The following HIPK4 variants were observed in gnomAD, a reference collection of about 807,000 sequenced individuals.
HIPK4 encodes homeodomain-interacting protein kinase 4.
HIPK4 carries 26 observed loss-of-function variants against 44.8 expected under a neutral mutation model. The ratio of observed to expected loss-of-function variants is 0.58; its 90% CI spans 0.43 to 0.80. The LOEUF is 0.80. Among genes scored for constraint, HIPK4 ranks in the 30% least tolerant of loss-of-function variants. The pLI is 0.00. For synonymous variants in HIPK4, 340 were observed against 355.5 expected, an observed-to-expected ratio of 0.96 and a Z score of 0.49; for missense variants, 729 against 862.6, an observed-to-expected ratio of 0.85 and a Z score of 1.94.
rs751075820 is a variant in HIPK4, at chr19:40,389,612, G to A, written c.291C>T (p.Phe97=). Residue 97 remains phenylalanine (F), a synonymous_variant, in exon 1 of 4, where the codon TTC becomes TTT. Coordinates refer to ENST00000291823, the MANE Select transcript of HIPK4 (RefSeq NM_144685.5). This position sits in a 1 kb window ranked among gnomAD's most constrained non-coding sequence, Gnocchi z 4.6. ...LVFELLEQNL[F]EFQKENNFAP... ...CGAAGTTGTTCTCCTTCTGGAACTC[G>A]AAAAGGTTTTGCTCCAGCAGCTCAA... 1.9e-5 allele frequency: 30 copies of A among 1,614,016 alleles called. No homozygotes were observed. Among genetic ancestry groups the A allele is most frequent in the Admixed American group, 5.0e-5 (3 of 60,008 alleles).
intron 1 of HIPK4, among the ~76,000 whole-genome samples, chr19:40,385,198 AGTCT>A (rs1402062029): frequency 1.3e-5 from 2 of 151,928 alleles, no homozygotes; most frequent in Non-Finnish European, 2.9e-5. Context: ...TCTGCCCCCT[AGTCT>A]GTCTGTCACA....
chr19:40,379,650 G>A lies in HIPK4; in HGVS notation c.1788C>T (p.Ser596=), dbSNP rs367679522. Residue 596 remains serine (S), a synonymous_variant, in exon 4 of 4, where the codon TCC becomes TCT. Transcript: ENST00000291823. The part of the protein sequence containing the change: ...PRAQGLPPRR[S]HQHGPPRGAT... ...CCCCCCGGGGTGGACCATGCTGGTG[G>A]GAGCGGCGGGGTGGGAGCCCCTGAG... 5.2e-6 allele frequency: 8 copies of A among 1,546,114 alleles called. No homozygotes were observed. The African/African-American group carries it at 1.1e-4, about 21-fold the overall frequency.
chr19:40,389,983 G>A lies in HIPK4; in HGVS notation c.-81C>T, dbSNP rs1007305068. ...CGCCCAGGCCTCCCGCCTGGCTGCT[G>A]ACACAGCAGGCCCCCCAGTGGGGGA... is the stretch of plus-strand genomic sequence containing the variant. On this transcript the variant is annotated 5_prime_UTR_variant, in exon 1 of 4. Coordinates refer to ENST00000291823, the MANE Select transcript of HIPK4 (RefSeq NM_144685.5). This position sits in a 1 kb window ranked among gnomAD's most constrained non-coding sequence, Gnocchi z 4.6. 86 of 1,087,342 alleles carry A rather than the reference G, an allele frequency of 7.9e-5. No individual in the cohort carries two copies. Among genetic ancestry groups the A allele is most frequent in the African/African-American group, 1.3e-4 (8 of 63,968 alleles). The allele number at this position is 1,087,342 out of a possible 1,614,324, so 67.4% of individuals were successfully genotyped here.
chr19:40,389,872 A>G lies in HIPK4; in HGVS notation c.31T>C (p.Tyr11His). The G allele has an allele frequency of 2.5e-6, 4 of 1,611,248 alleles. No homozygotes were observed. The highest frequency in any genetic ancestry group is 3.4e-6 in the Non-Finnish European group (4 of 1,179,970). Residue 11 changes from tyrosine (Y) to histidine (H), a missense_variant, in exon 1 of 4, where the codon TAC becomes CAC. Tyr to His is a moderately conservative substitution (Grantham distance 83, BLOSUM62 2). Coordinates refer to ENST00000291823, the MANE Select transcript of HIPK4 (RefSeq NM_144685.5). The surrounding 1 kb of genome is among the most constrained non-coding windows in gnomAD (Gnocchi z 4.6). MSTIQSETDC[Y>H]DIIEVLGKGT... Reference sequence around the variant, plus strand: ...TTGCCCAAGACCTCGATGATGTCGTAGCAGTCAGTCTCCGACTGGATGGTG... The same window carrying G: ...TTGCCCAAGACCTCGATGATGTCGTGGCAGTCAGTCTCCGACTGGATGGTG...
rs2079324049 is a variant in HIPK4 at position 40,380,120 on chromosome 19, C to T, written c.1668+203G>A. ...CTGTGCCCTGAGTTTTTGTCACAGC[C>T]TGGAAGTAGCTGAGTAAGTGCTGAG... On this transcript the variant is annotated intron_variant, in intron 3 of 3. Coordinates refer to ENST00000291823, the MANE Select transcript of HIPK4 (RefSeq NM_144685.5). This position sits in a 1 kb window ranked among gnomAD's most constrained non-coding sequence, Gnocchi z 4.2. 6.6e-6 allele frequency among the ~76,000 whole-genome samples: 1 copy of T among 152,130 alleles called. No individual in the cohort carries two copies.
intron 1 of HIPK4, among the ~76,000 whole-genome samples, chr19:40,385,204 T>A (rs1385475139): frequency 6.6e-6 from 1 of 152,156 alleles, no homozygotes. Context: ...CCCTAGTCTG[T>A]CTGTCACAAG....
intron 2 of HIPK4, among the ~76,000 whole-genome samples, chr19:40,382,125 C>T (rs1280301516): frequency 6.6e-6 from 1 of 151,482 alleles, no homozygotes; most frequent in Non-Finnish European, 1.5e-5. Context: ...TTTTTTTAAA[C>T]AGGGTCTTGC....
chr19:40,380,431 GC>G lies in HIPK4; in HGVS notation c.1559del (p.Gly520AlafsTer32), dbSNP rs1474457840. 1.9e-6 allele frequency: 3 copies of G among 1,614,032 alleles called. No individual in the cohort carries two copies. Among genetic ancestry groups the G allele is most frequent in the Non-Finnish European group, 2.5e-6 (3 of 1,180,064 alleles). On this transcript the variant is annotated frameshift_variant, in exon 3 of 4. Transcript: ENST00000291823. LOFTEE classifies it high-confidence loss of function. The surrounding 1 kb of genome is among the most constrained non-coding windows in gnomAD (Gnocchi z 4.2). ...GATGCTCTCCTTCCTCCCAGCTGCT[GC>G]CCCGGCAGGGCCTGTCATCCTCAGG... is the stretch of plus-strand genomic sequence containing the variant. ...VSPEDDRPCR[G>X]SSWEEGEHLG...
intron 1 of HIPK4, 86 bp from the exon 2 acceptor site, chr19:40,384,225 A>G (rs1280571987): frequency 2.2e-6 from 2 of 917,078 alleles, no homozygotes; most frequent in Admixed American, 4.6e-5. Context: ...TTCACCTGGC[A>G]TCTTCCTGCA....
At chr19:40,384,470 AT>A (rs569491635) in intron 1 of HIPK4, among the ~76,000 whole-genome samples, 1 of 151,762 alleles carries the variant, frequency 6.6e-6, no homozygotes, top group Non-Finnish European at 1.5e-5. Flanking sequence ...CACCCGGCTA[AT>A]TTTTTGTATT....
In HIPK4 at chr19:40,389,287, G is replaced by T; in HGVS notation, c.465+151C>A. 1 of 336,246 alleles carries T rather than the reference G, an allele frequency of 3.0e-6. No homozygotes were observed. Among genetic ancestry groups the T allele is most frequent in the Non-Finnish European group, 5.1e-6 (1 of 196,224 alleles). 20.8% of individuals were successfully genotyped at this position (336,246 alleles called of 1,614,324 possible). On this transcript the variant is annotated intron_variant, in intron 1 of 3. Transcript: ENST00000291823. This position sits in a 1 kb window ranked among gnomAD's most constrained non-coding sequence, Gnocchi z 4.6. ...TGCAGTGAGCTGAGATTGTGCCACT[G>T]CACTCAAGCCTGGGTAACAGAATGA...
rs566982549 is a variant in HIPK4 at position 40,388,292 on chromosome 19, A to G, written c.465+1146T>C. ...CTCGGCCTCCCAAAGTGCTGGGATTACAGGCGTGAGCCACCGCACCTGGCC... is the reference window on the plus strand; with the variant it reads ...CTCGGCCTCCCAAAGTGCTGGGATTGCAGGCGTGAGCCACCGCACCTGGCC... On this transcript the variant is annotated intron_variant, in intron 1 of 3. Transcript: ENST00000291823. 1.1e-4 allele frequency among the ~76,000 whole-genome samples: 16 copies of G among 152,296 alleles called. No individual in the cohort carries two copies. In the South Asian group the frequency reaches 3.3e-3, roughly 32 times the overall value.
intron 1 of HIPK4, among the ~76,000 whole-genome samples, chr19:40,385,024 G>A (rs2079356511): frequency 6.6e-6 from 1 of 152,078 alleles, no homozygotes; most frequent in South Asian, 2.1e-4. Flanking sequence ...GGAGGGTTAG[G>A]ACCCTATTCT....
In HIPK4 at chr19:40,381,010, C is replaced by T. The variant is rs1257107914; in HGVS notation, c.981G>A (p.Met327Ile). Residue 327 changes from methionine (M) to isoleucine (I), a missense_variant, in exon 3 of 4, where the codon ATG (methionine) becomes ATA (isoleucine). By Grantham distance (10) the Met-to-Ile change is conservative (BLOSUM62 1). Coordinates refer to ENST00000291823, the MANE Select transcript of HIPK4 (RefSeq NM_144685.5). The stretch of plus-strand genomic sequence containing the variant: ...TGCGTTCGTGTGACTCCCAGGTCAG[C>T]ATGCGCTTGATCAGCTCCACCATGC... ...LKSMVELIKR[M>I]LTWESHERIS... is the part of the protein sequence containing the mutation. 1.2e-6 allele frequency: 2 copies of T among 1,613,498 alleles called. No individual in the cohort carries two copies. The highest frequency in any genetic ancestry group is 2.7e-5 in the African/African-American group (2 of 75,064).
At position 40,381,784 on chromosome 19, in the gene HIPK4, C is replaced by A. The variant is rs145619647; in HGVS notation, c.823-616G>T. Among the ~76,000 whole-genome samples the A allele has an allele frequency of 4.6e-3, 330 of 72,268 alleles. 7 individuals are homozygous for A. The Admixed American group carries it at 0.047, about 10-fold the overall frequency. 47.4% of individuals were successfully genotyped at this position (72,268 alleles called of 152,430 possible). A position where few individuals can be genotyped will look rare whatever the true frequency, so the allele number is the denominator to read the frequency against. Reference sequence around the variant, plus strand: ...ACTCACCTGAGGTCTCACTCAGATCCTTTTTTTTTTTTTTTTTTTTTTTTT... The same window carrying A: ...ACTCACCTGAGGTCTCACTCAGATCATTTTTTTTTTTTTTTTTTTTTTTTT... On this transcript the variant is annotated intron_variant, in intron 2 of 3. Coordinates refer to ENST00000291823, the MANE Select transcript of HIPK4 (RefSeq NM_144685.5).
Position 40,384,006 on chromosome 19 carries a change from G to A in HIPK4, c.599C>T (p.Ser200Phe), listed in dbSNP as rs1240189178. 1.2e-6 allele frequency: 2 copies of A among 1,614,034 alleles called. No homozygotes were observed. The highest frequency in any genetic ancestry group is 1.7e-6 in the Non-Finnish European group (2 of 1,180,008). The change falls in exon 2 of 4, where the codon TCC (serine) becomes TTC (phenylalanine). Residue 200 changes from serine to phenylalanine, a missense_variant. Ser to Phe is a radical substitution (Grantham distance 155). Coordinates refer to ENST00000291823, the MANE Select transcript of HIPK4 (RefSeq NM_144685.5). ...LPFCEKVDVWSLGCVMAELHL... is the reference protein window; with the variant it reads ...LPFCEKVDVWFLGCVMAELHL... ...CAGCTCAGCCATGACGCAGCCCAGG[G>A]ACCACACGTCCACCTTCTCGCAGAA...
At chr19:40,384,999 C>T (rs1412193383) in intron 1 of HIPK4, among the ~76,000 whole-genome samples, 1 of 152,170 alleles carries the variant, frequency 6.6e-6, no homozygotes, top group Non-Finnish European at 1.5e-5. Flanking sequence ...TTTCTCTCCA[C>T]TAGAACTATG....
rs2079377399 is a variant in HIPK4, at chr19:40,389,437, C to T, written c.465+1G>A. 6.4e-7 allele frequency: 1 copy of T among 1,571,124 alleles called. No individual in the cohort carries two copies. The highest frequency in any genetic ancestry group is 1.8e-5 in the Admixed American group (1 of 56,840). On this transcript the variant is annotated splice_donor_variant, in intron 1 of 3. Coordinates refer to ENST00000291823, the MANE Select transcript of HIPK4 (RefSeq NM_144685.5). LOFTEE classifies it high-confidence loss of function. The surrounding 1 kb of genome is among the most constrained non-coding windows in gnomAD (Gnocchi z 4.6). ...AGCCACCCTAGACGACCCCTACTCA[C>T]CTTGACCCTGAAGGGGCAGCGGGTC...
rs755442837 is a variant in HIPK4 at position 40,380,403 on chromosome 19, C to G, written c.1588G>C (p.Gly530Arg). The stretch of plus-strand genomic sequence containing the variant: ...ATGGCCAGTGGCTCAGCAGAGGCCC[C>G]GAGATGCTCTCCTTCCTCCCAGCTG... ...GSSWEEGEHLGASAEPLAILQ... is the reference protein window; with the variant it reads ...GSSWEEGEHLRASAEPLAILQ... The change falls in exon 3 of 4, where the codon GGG becomes CGG. Residue 530 changes from glycine (G) to arginine (R), a missense_variant. Physicochemically the swap from Gly to Arg is moderately radical, Grantham distance 125. Transcript: ENST00000291823. The surrounding 1 kb of genome is among the most constrained non-coding windows in gnomAD (Gnocchi z 4.2). 27 of 1,614,100 alleles carry G rather than the reference C, an allele frequency of 1.7e-5. No homozygotes were observed. In the South Asian group the frequency reaches 2.9e-4, roughly 17 times the overall value.
Sources: gnomAD v4.1 joint callset for allele counts (sites outside exome capture counted in the v4.1 genomes callset) on GRCh38, gnomAD v4.1.1 for gene constraint, Gnocchi (gnomAD v3.1) non-coding constraint, MANE v1.5 for transcripts, NCBI Gene and HGNC (gene_info 2026-07-23, HGNC 2026-07-21) for gene names.